Variants in MALRD1 observed in about 807,000 individuals in gnomAD.
MALRD1 encodes MAM and LDL-receptor class A domain-containing protein 1.
A neutral mutation model predicts 242.1 loss-of-function variants in MALRD1; 247 were observed. The ratio of observed to expected loss-of-function variants is 1.02; its 90% CI spans 0.92 to 1.13. MALRD1 has a LOEUF of 1.13. Ranked by LOEUF, MALRD1 falls within the 50% of genes most tolerant of loss-of-function variation. The pLI, the probability that MALRD1 is intolerant of heterozygous loss-of-function variation, is 0.00. For missense variants in MALRD1, 2,989 were observed against 2,533.1 expected (o/e 1.18, Z -3.86); for synonymous variants, 995 against 866.6 (o/e 1.15, Z -2.60).
At chr10:19,306,742 G>C (rs1842226492) in intron 21 of MALRD1, among the ~76,000 whole-genome samples, 1 of 151,346 alleles carries the variant, frequency 6.6e-6, no homozygotes, top group South Asian at 2.1e-4. Flanking sequence ...GAGGCCTCAG[G>C]AAACTTACAA....
At position 19,204,393 on chromosome 10, in the gene MALRD1, T is replaced by C; in HGVS notation, c.2190T>C (p.Pro730=). 2 of 1,545,152 alleles carry C rather than the reference T, an allele frequency of 1.3e-6. No homozygotes were observed. Among genetic ancestry groups the C allele is most frequent in the East Asian group, 2.5e-5 (1 of 40,558 alleles). ...GCCCAACTTTCAGCCAGACAGGACCTGGATGCATACTTTCCTTCTGGTAAA... is the reference window on the plus strand; with the variant it reads ...GCCCAACTTTCAGCCAGACAGGACCCGGATGCATACTTTCCTTCTGGTAAA... ...LQSPTFSQTG[P]GCILSFWFYN... Residue 730 remains proline, a synonymous_variant, in exon 16 of 40, where the codon CCT becomes CCC. Transcript: ENST00000454679.
At chr10:19,053,997 T>G (rs1834589018) in intron 1 of MALRD1, among the ~76,000 whole-genome samples, 1 of 152,162 alleles carries the variant, frequency 6.6e-6, no homozygotes, top group Admixed American at 6.5e-5. Flanking sequence ...AAAAGTAATT[T>G]GTAGGTCTAA....
At chr10:19,530,638 A>G (rs1236363016) in intron 31 of MALRD1, among the ~76,000 whole-genome samples, 2 of 151,296 alleles carry the variant, frequency 1.3e-5, no homozygotes, top group Admixed American at 1.3e-4. Flanking sequence ...GCAACAGAAA[A>G]AAATCCAATT....
intron 2 of MALRD1, among the ~76,000 whole-genome samples, chr10:19,071,777 A>G (rs1310683657): frequency 6.6e-6 from 1 of 152,154 alleles, no homozygotes; most frequent in African/African-American, 2.4e-5. Context: ...TGAAAGACCA[A>G]ACATGGAGAC....
intron 13 of MALRD1, among the ~76,000 whole-genome samples, chr10:19,171,372 T>C (rs946883204): frequency 6.7e-6 from 1 of 149,212 alleles, no homozygotes; most frequent in Admixed American, 6.7e-5. Context: ...TGATTACCAA[T>C]TGATGCTGAC....
chr10:19,616,853 T>C (rs1373439931), intron 36 of MALRD1, among the ~76,000 whole-genome samples: 9 of 152,040 alleles, frequency 5.9e-5, no homozygotes, highest in Admixed American at 4.6e-4. Context: ...ATGTAATTAC[T>C]AATGAGTTTC....
chr10:19,707,321 T>C (rs1476070008), intron 38 of MALRD1, among the ~76,000 whole-genome samples: 1 of 152,170 alleles, frequency 6.6e-6, no homozygotes, highest in Non-Finnish European at 1.5e-5. Context: ...ATGATTTCAC[T>C]TTATTCTGAC....
intron 33 of MALRD1, among the ~76,000 whole-genome samples, chr10:19,571,401 A>G (rs190164925): frequency 6.6e-6 from 1 of 152,316 alleles, no homozygotes; most frequent in African/African-American, 2.4e-5. Flanking sequence ...AATTATATAT[A>G]TGCCTCAGAG....
At chr10:19,392,359 C>G (rs558695702) in intron 28 of MALRD1, among the ~76,000 whole-genome samples, 3 of 152,212 alleles carry the variant, frequency 2.0e-5, no homozygotes, top group Admixed American at 1.3e-4. Flanking sequence ...ACCCTGAGCC[C>G]CAAGTGTTCC....
intron 21 of MALRD1, among the ~76,000 whole-genome samples, chr10:19,299,935 C>G (rs1841871882): frequency 6.6e-6 from 1 of 152,066 alleles, no homozygotes; most frequent in East Asian, 1.9e-4. Flanking sequence ...ATACTATCCT[C>G]TTTACAAACA....
At position 19,491,529 on chromosome 10, in the gene MALRD1, C is replaced by G; in HGVS notation, c.5042C>G (p.Ser1681Cys). ...FKNCTTVGEI[S>C]ELCPEITDFL... ...TGTTTTTCCCTAGTGGGAGAGATCT[C>G]TGAGCTTTGTCCGGAAATCACTGAT... Residue 1681 changes from serine to cysteine, a missense_variant, in exon 30 of 40, where the codon TCT becomes TGT. Transcript: ENST00000454679. 1.9e-6 allele frequency: 3 copies of G among 1,549,896 alleles called. No individual in the cohort carries two copies. Among genetic ancestry groups the G allele is most frequent in the Non-Finnish European group, 2.6e-6 (3 of 1,146,760 alleles).
At chr10:19,446,477 A>G (rs1446816237) in intron 28 of MALRD1, among the ~76,000 whole-genome samples, 7 of 152,216 alleles carry the variant, frequency 4.6e-5, no homozygotes, top group Non-Finnish European at 8.8e-5. Flanking sequence ...AAAAAGTTGT[A>G]TATTCACTTC....
chr10:19,292,892 CAAAAAAA>C (rs57002523), intron 21 of MALRD1, among the ~76,000 whole-genome samples: 8 of 72,860 alleles, frequency 1.1e-4, no homozygotes, highest in African/African-American at 3.8e-4. Context: ...GACTCTGCCT[CAAAAAAA>C]AAAAAAAAAA....
intron 29 of MALRD1, among the ~76,000 whole-genome samples, chr10:19,464,266 G>A (rs919985074): frequency 6.6e-6 from 1 of 152,040 alleles, no homozygotes; most frequent in African/African-American, 2.4e-5. Context: ...TTGGGTTCTT[G>A]GTCGTGAAGT....
chr10:19,409,068 C>G (rs143998328), intron 28 of MALRD1, among the ~76,000 whole-genome samples: 61 of 152,286 alleles, frequency 4.0e-4, no homozygotes, highest in Non-Finnish European at 6.8e-4. Context: ...CAGCCAATAT[C>G]TAGAAACAAC....
At chr10:19,126,288 A>G (rs1233055743) in intron 7 of MALRD1, among the ~76,000 whole-genome samples, 1 of 152,114 alleles carries the variant, frequency 6.6e-6, no homozygotes, top group African/African-American at 2.4e-5. Flanking sequence ...AAATTATGTT[A>G]TTCTATTCAA....
chr10:19,358,962 TGTG>T (rs896036519), intron 26 of MALRD1, among the ~76,000 whole-genome samples: 1 of 152,112 alleles, frequency 6.6e-6, no homozygotes, highest in Admixed American at 6.6e-5. Flanking sequence ...AATTGCTAAA[TGTG>T]GTGGTTTAAC....
At chr10:19,482,535 T>G (rs1837038791) in intron 29 of MALRD1, among the ~76,000 whole-genome samples, 1 of 151,862 alleles carries the variant, frequency 6.6e-6, no homozygotes, top group African/African-American at 2.4e-5. Flanking sequence ...CAAAAGACTC[T>G]TCCAGAAGGC....
At chr10:19,110,404 G>A (rs1399782979) in intron 5 of MALRD1, among the ~76,000 whole-genome samples, 1 of 152,114 alleles carries the variant, frequency 6.6e-6, no homozygotes, top group Admixed American at 6.6e-5. Flanking sequence ...TTTATCAGGC[G>A]AGAAATCACT....
Sources: gnomAD v4.1 joint callset for allele counts (sites outside exome capture counted in the v4.1 genomes callset) on GRCh38, gnomAD v4.1.1 for gene constraint, MANE v1.5 for transcripts, NCBI Gene and HGNC (gene_info 2026-07-23, HGNC 2026-07-21) for gene names.